The following FBN2 variants were observed in gnomAD, a reference collection of about 807,000 sequenced individuals.
FBN2 encodes the protein fibrillin 2.
A neutral mutation model predicts 355.6 loss-of-function variants in FBN2; 105 were observed. The ratio of observed to expected loss-of-function variants is 0.30; its 90% confidence interval spans 0.25 to 0.35. The LOEUF (loss-of-function observed/expected upper bound fraction) is 0.35. Among genes scored for constraint, FBN2 ranks in the 10% least tolerant of loss-of-function variants. The pLI is 1.00. For synonymous variants in FBN2, 1,350 were observed against 1,301.2 expected (o/e 1.04, Z -0.81); for missense variants, 3,280 against 3,758.7 (o/e 0.87, Z 3.33).
intron 5 of FBN2, among the ~76,000 whole-genome samples, chr5:128,509,564 G>A (rs1756057133): frequency 6.6e-6 from 1 of 151,964 alleles, no homozygotes; most frequent in African/African-American, 2.4e-5. Flanking sequence ...GTGAATTTTA[G>A]TTGATTTTTT....
At chr5:128,338,726 T>C (rs1427105626) in intron 26 of FBN2, among the ~76,000 whole-genome samples, 1 of 152,226 alleles carries the variant, frequency 6.6e-6, no homozygotes, top group Non-Finnish European at 1.5e-5. Flanking sequence ...GAGTATCTCA[T>C]TGCCATGAAG....
In FBN2 at chr5:128,330,670, G is replaced by C. The variant is rs781335840; in HGVS notation, c.4248C>G (p.Thr1416=). 1.2e-6 allele frequency: 2 copies of C among 1,613,882 alleles called. No homozygotes were observed. Among genetic ancestry groups the C allele is most frequent in the African/African-American group, 1.3e-5 (1 of 75,000 alleles). ...CIDLDECSNG[T]HQCSINAQCV... ...ACTGAGCATTGATGCTACACTGGTGGGTTCCATTAGAACATTCGTCCAGAT... is the reference window on the plus strand; with the variant it reads ...ACTGAGCATTGATGCTACACTGGTGCGTTCCATTAGAACATTCGTCCAGAT... The change falls in exon 33 of 65, where the codon ACC becomes ACG. Residue 1416 remains threonine, a synonymous_variant. Coordinates refer to ENST00000262464, the MANE Select transcript of FBN2 (RefSeq NM_001999.4).
At chr5:128,302,885 T>G (rs1581201273) in intron 46 of FBN2, 88 bp downstream of exon 46, 1 of 811,328 alleles carries the variant, frequency 1.2e-6, no homozygotes, top group Middle Eastern at 2.3e-4. Flanking sequence ...GTAATATAAT[T>G]TTTTTTTGTT....
At chr5:128,533,226 C>A (rs1469978920) in intron 2 of FBN2, among the ~76,000 whole-genome samples, 1 of 152,118 alleles carries the variant, frequency 6.6e-6, no homozygotes, top group East Asian at 1.9e-4. Flanking sequence ...TCAAAGTTTC[C>A]TCCTCCCCAG....
intron 19 of FBN2, among the ~76,000 whole-genome samples, chr5:128,358,415 A>ATT (rs1751558020): frequency 6.6e-6 from 1 of 152,086 alleles, no homozygotes; most frequent in African/African-American, 2.4e-5. Context: ...CTTTCTCTAA[A>ATT]TATTTCTTTG....
chr5:128,415,355 C>CACTAT lies in FBN2; in HGVS notation c.953-6561_953-6557dup, dbSNP rs780415342. The stretch of plus-strand genomic sequence containing the variant: ...CATTAAGTAACTTCTCTTCATCCTC[C>CACTAT]ACTATGGCCAAACATCCTTCCCAGC... On this transcript the variant is annotated intron_variant, in intron 7 of 64. Coordinates refer to ENST00000262464, the MANE Select transcript of FBN2 (RefSeq NM_001999.4). 7.2e-5 allele frequency among the ~76,000 whole-genome samples: 11 copies of CACTAT among 152,266 alleles called. No homozygotes were observed. In the South Asian group the frequency reaches 1.7e-3, roughly 23 times the overall value.
At chr5:128,512,662 C>T (rs969022972) in intron 5 of FBN2, among the ~76,000 whole-genome samples, 6 of 152,070 alleles carry the variant, frequency 3.9e-5, no homozygotes, top group African/African-American at 1.4e-4. Context: ...GTGAACTTCT[C>T]TTAAAGTATC....
intron 16 of FBN2, among the ~76,000 whole-genome samples, chr5:128,366,997 T>C (rs1332864888): frequency 6.6e-6 from 1 of 152,178 alleles, no homozygotes; most frequent in Non-Finnish European, 1.5e-5. Flanking sequence ...AGGCATGTCA[T>C]GTCAATGTCC....
intron 5 of FBN2, among the ~76,000 whole-genome samples, chr5:128,501,107 T>G (rs1331974280): frequency 6.6e-6 from 1 of 152,080 alleles, no homozygotes; most frequent in African/African-American, 2.4e-5. Flanking sequence ...TACAGAAAAC[T>G]AACACCAAGC....
At chr5:128,318,317 C>T (rs56296450) in intron 35 of FBN2, 46 bp from the exon 36 acceptor site, 3 of 1,605,642 alleles carry the variant, frequency 1.9e-6, no homozygotes, top group East Asian at 2.2e-5. Flanking sequence ...TTTACTTTTT[C>T]TGTGCATACT....
At chr5:128,380,952 T>C (rs1355069179) in intron 11 of FBN2, among the ~76,000 whole-genome samples, 8 of 152,056 alleles carry the variant, frequency 5.3e-5, no homozygotes, top group Non-Finnish European at 4.4e-5. Context: ...CCTCCTAAAA[T>C]AAATTTTAAA....
At chr5:128,487,569 C>G (rs560066459) in intron 5 of FBN2, among the ~76,000 whole-genome samples, 1 of 151,980 alleles carries the variant, frequency 6.6e-6, no homozygotes, top group Non-Finnish European at 1.5e-5. Context: ...CCAAAAAGAC[C>G]GTAAGTACAT....
intron 60 of FBN2, 90 bp from the exon 61 acceptor site, chr5:128,274,058 CTAAG>C: frequency 6.8e-7 from 1 of 1,477,812 alleles, no homozygotes; most frequent in South Asian, 1.2e-5. Flanking sequence ...GTATGAAAAC[CTAAG>C]TTTCATGATG....
intron 3 of FBN2, among the ~76,000 whole-genome samples, chr5:128,529,257 G>A (rs1756645405): frequency 1.3e-5 from 2 of 152,064 alleles, no homozygotes; most frequent in Admixed American, 1.3e-4. Flanking sequence ...CACCCAGGGA[G>A]GGCAGAACTC....
chr5:128,415,439 A>T (rs545050348), intron 7 of FBN2, among the ~76,000 whole-genome samples: 2 of 152,300 alleles, frequency 1.3e-5, no homozygotes, highest in Non-Finnish European at 2.9e-5. Flanking sequence ...TACACATATG[A>T]GTGAGACCAT....
chr5:128,309,886 GAACTTCCA>G (rs1749985467), intron 40 of FBN2, 89 bp downstream of exon 40: 2 of 1,370,778 alleles, frequency 1.5e-6, no homozygotes, highest in Non-Finnish European at 2.1e-6. Context: ...CACGAAGACT[GAACTTCCA>G]AACTTCCAAA....
intron 20 of FBN2, among the ~76,000 whole-genome samples, chr5:128,352,419 C>T (rs995598361): frequency 1.3e-5 from 2 of 152,112 alleles, no homozygotes; most frequent in Non-Finnish European, 2.9e-5. Context: ...AAATATTATG[C>T]ACTTTAAAAT....
chr5:128,454,419 T>C (rs1051445191), intron 6 of FBN2, among the ~76,000 whole-genome samples: 7 of 152,384 alleles, frequency 4.6e-5, no homozygotes, highest in South Asian at 2.1e-4. Flanking sequence ...GACTTTATAA[T>C]GATCTCGTTA....
chr5:128,285,592 C>T (rs1581187994), intron 55 of FBN2, among the ~76,000 whole-genome samples: 1 of 152,190 alleles, frequency 6.6e-6, no homozygotes, highest in Middle Eastern at 3.4e-3. Flanking sequence ...TGCACCCTTC[C>T]CAACACCCAC....
Sources: gnomAD v4.1 joint callset for allele counts (sites outside exome capture counted in the v4.1 genomes callset) on GRCh38, gnomAD v4.1.1 for gene constraint, MANE v1.5 for transcripts, NCBI Gene and HGNC (gene_info 2026-07-23, HGNC 2026-07-21) for gene names.